Variants in CSDE1 observed in about 807,000 individuals in gnomAD.
CSDE1 encodes the protein cold shock domain-containing protein E1.
Under a neutral mutation model 89.3 loss-of-function variants are expected in CSDE1, and 17 were observed. The ratio of observed to expected loss-of-function variants is 0.19; its 90% CI spans 0.13 to 0.29. The LOEUF (loss-of-function observed/expected upper bound fraction) is 0.29, where lower values mean the gene tolerates loss of function less well. Ranked by LOEUF, CSDE1 falls within the 10% of genes least tolerant of loss-of-function variation. The pLI, the probability that CSDE1 is intolerant of heterozygous loss-of-function variation, is 1.00. For synonymous variants in CSDE1, 322 were observed against 332.8 expected, an observed-to-expected ratio of 0.97 and a Z score of 0.35; for missense variants, 672 against 984.2, an observed-to-expected ratio of 0.68 and a Z score of 4.24.
In CSDE1 at chr1:114,718,036, A is replaced by G; in HGVS notation, c.*133T>C. On this transcript the variant is annotated 3_prime_UTR_variant, in exon 20 of 20. Coordinates refer to ENST00000358528, the MANE Select transcript of CSDE1 (RefSeq NM_001007553.3). ...TAAACATAACACGAGGAAGGTGTTA[A>G]AACTGGTGTAATAGCTCAATAGAAT... is the stretch of plus-strand genomic sequence containing the variant. The G allele has an allele frequency of 1.2e-6, 1 of 835,396 alleles. No individual in the cohort carries two copies. Among genetic ancestry groups the G allele is most frequent in the South Asian group, 1.6e-5 (1 of 64,476 alleles). 51.7% of individuals were successfully genotyped at this position (835,396 alleles called of 1,614,324 possible).
At chr1:114,718,540 T>C in intron 19 of CSDE1, 73 bp downstream of exon 19, 3 of 1,545,478 alleles carry the variant, frequency 1.9e-6, no homozygotes, top group Non-Finnish European at 2.6e-6. Flanking sequence ...TCCTGACCTA[T>C]TGTTTAAATA....
In CSDE1 at chr1:114,739,959, A is replaced by G. The variant is rs1009405975; in HGVS notation, c.1-69T>C. 2.4e-5 allele frequency: 32 copies of G among 1,316,954 alleles called. No individual in the cohort carries two copies. The African/African-American group carries it at 3.7e-4, about 15-fold the overall frequency. The allele number at this position is 1,316,954 out of a possible 1,614,324, so 81.6% of individuals were successfully genotyped here. On this transcript the variant is annotated intron_variant, in intron 2 of 19. Coordinates refer to ENST00000358528, the MANE Select transcript of CSDE1 (RefSeq NM_001007553.3). ...CTCCATAGCATATTAAGTCTGGTTA[A>G]TAAGTCACTAAATCTTCCATATAAA...
At chr1:114,756,721 A>T (rs1235570395) in intron 1 of CSDE1, 1 of 152,208 alleles carries the variant, frequency 6.6e-6, no homozygotes, top group Non-Finnish European at 1.5e-5. Flanking sequence ...CCAACTGTTT[A>T]AAGAGCGCCA....
At chr1:114,732,924 C>A in intron 9 of CSDE1, 108 bp from the exon 10 acceptor site, 2 of 945,332 alleles carry the variant, frequency 2.1e-6, no homozygotes, top group East Asian at 4.9e-5. Flanking sequence ...ACTTAGTTCC[C>A]TGAAGCGAAA....
In CSDE1 at chr1:114,717,047, C is replaced by CG. The variant is rs1380742504; in HGVS notation, c.*1121dup. The CG allele has an allele frequency of 6.5e-6, 1 of 152,738 alleles. No individual in the cohort carries two copies. Among genetic ancestry groups the CG allele is most frequent in the African/African-American group, 2.4e-5 (1 of 41,468 alleles). The allele number at this position is 152,738 out of a possible 1,614,324, so 9.5% of individuals were successfully genotyped here. ...TTTACCCAGAGATCAAAACCTCAAA[C>CG]GACAAGGGGGAAGATAAAACCGCCC... On this transcript the variant is annotated 3_prime_UTR_variant, in exon 20 of 20. Transcript: ENST00000358528.
intron 3 of CSDE1, 65 bp downstream of exon 3, chr1:114,739,627 G>A (rs768819895): frequency 4.4e-5 from 61 of 1,402,012 alleles, no homozygotes; most frequent in Non-Finnish European, 6.1e-5. Flanking sequence ...AAACACTCAT[G>A]AACAAATTGA....
chr1:114,743,779 T>G (rs1210031913), intron 2 of CSDE1, among the ~76,000 whole-genome samples: 3 of 152,212 alleles, frequency 2.0e-5, no homozygotes, highest in Admixed American at 2.0e-4. Context: ...GTCTCATCCC[T>G]AGACACATAC....
intron 6 of CSDE1, among the ~76,000 whole-genome samples, chr1:114,734,825 TTTTCTA>T (rs1660307627): frequency 6.6e-6 from 1 of 152,206 alleles, no homozygotes; most frequent in African/African-American, 2.4e-5. Flanking sequence ...TCTACTCTGT[TTTTCTA>T]TTTCAACAAA....
In CSDE1 at chr1:114,739,834, A is replaced by T; in HGVS notation, c.57T>A (p.Gly19=). The change falls in exon 3 of 20, where the codon GGT becomes GGA. Residue 19 remains glycine, a synonymous_variant. Transcript: ENST00000358528. ...CAGTTTCACGCAGTGCTGCTGAAGTACCATTAGGGTACCCATTATGTCCAT... is the reference window on the plus strand; with the variant it reads ...CAGTTTCACGCAGTGCTGCTGAAGTTCCATTAGGGTACCCATTATGTCCAT... ...HNNGHNGYPN[G]TSAALRETGV... 6.2e-7 allele frequency: 1 copy of T among 1,614,136 alleles called. No homozygotes were observed. The highest frequency in any genetic ancestry group is 1.7e-4 in the Middle Eastern group (1 of 6,058).
chr1:114,723,472 G>A (rs1188354790), intron 16 of CSDE1, among the ~76,000 whole-genome samples: 1 of 152,184 alleles, frequency 6.6e-6, no homozygotes, highest in African/African-American at 2.4e-5. Context: ...ATGTACATAT[G>A]TGTAGTGTAG....
intron 16 of CSDE1, among the ~76,000 whole-genome samples, chr1:114,721,839 G>A (rs1377880943): frequency 6.6e-6 from 1 of 151,164 alleles, no homozygotes; most frequent in Non-Finnish European, 1.5e-5. Context: ...GCCCACCTTG[G>A]CCTCCCGAAG....
Position 114,739,720 on chromosome 1 carries a change from A to T in CSDE1, c.171T>A (p.Asn57Lys). The T allele has an allele frequency of 6.2e-7, 1 of 1,613,892 alleles. No individual in the cohort carries two copies. The highest frequency in any genetic ancestry group is 8.5e-7 in the Non-Finnish European group (1 of 1,179,800). The change falls in exon 3 of 20, where the codon AAT becomes AAA. Residue 57 changes from asparagine to lysine, a missense_variant. By Grantham distance (94) the Asn-to-Lys change is moderately conservative. Around this residue, in one of 8 missense-constraint regions of CSDE1, gnomAD observed 34 missense variants for 73.3 expected, o/e 0.46. Coordinates refer to ENST00000358528, the MANE Select transcript of CSDE1 (RefSeq NM_001007553.3). ...ARLFFHCSQYNGNLQDLKVGD... is the reference protein window; with the variant it reads ...ARLFFHCSQYKGNLQDLKVGD... Reference sequence around the variant, plus strand: ...CTACTTTTAAGTCTTGCAGGTTGCCATTATACTGTGAACAGTGGAAGAAAA... The same window carrying T: ...CTACTTTTAAGTCTTGCAGGTTGCCTTTATACTGTGAACAGTGGAAGAAAA...
At chr1:114,756,298 C>G (rs1246909879) in intron 1 of CSDE1, among the ~76,000 whole-genome samples, 1 of 152,180 alleles carries the variant, frequency 6.6e-6, no homozygotes, top group African/African-American at 2.4e-5. Context: ...CTATTACCTT[C>G]TCTTTTATTT....
intron 2 of CSDE1, among the ~76,000 whole-genome samples, chr1:114,740,253 C>T (rs535634102): frequency 1.4e-3 from 211 of 152,270 alleles, no homozygotes; most frequent in African/African-American, 4.7e-3. Flanking sequence ...TAAGAGACAG[C>T]GACCACAAAC....
At position 114,718,087 on chromosome 1, in the gene CSDE1, G is replaced by A; in HGVS notation, c.*82C>T. 2.1e-6 allele frequency: 3 copies of A among 1,429,214 alleles called. No individual in the cohort carries two copies. The highest frequency in any genetic ancestry group is 3.0e-6 in the Non-Finnish European group (3 of 1,014,528). The allele number at this position is 1,429,214 out of a possible 1,614,324, so 88.5% of individuals were successfully genotyped here. ...AAGTATTCCAGATTTCGGGAGGGAT[G>A]AAGAGGGAGATATTCAGAACCCTTC... On this transcript the variant is annotated 3_prime_UTR_variant, in exon 20 of 20. Coordinates refer to ENST00000358528, the MANE Select transcript of CSDE1 (RefSeq NM_001007553.3).
At chr1:114,726,625 T>TA (rs1266313764) in intron 13 of CSDE1, among the ~76,000 whole-genome samples, 4 of 152,246 alleles carry the variant, frequency 2.6e-5, no homozygotes, top group African/African-American at 9.6e-5. Context: ...TCTAGAGGGC[T>TA]ATCCAAAAAC....
chr1:114,727,437 G>A (rs889901457), intron 12 of CSDE1, among the ~76,000 whole-genome samples: 7 of 152,212 alleles, frequency 4.6e-5, no homozygotes, highest in Admixed American at 3.9e-4. Flanking sequence ...TTCTATAAGG[G>A]CAAGAAGCTT....
rs552011956 is a variant in CSDE1 at position 114,718,056 on chromosome 1, T to A, written c.*113A>T. 7.7e-6 allele frequency: 8 copies of A among 1,036,824 alleles called. No homozygotes were observed. Among genetic ancestry groups the A allele is most frequent in the East Asian group, 2.4e-5 (1 of 41,788 alleles). 64.2% of individuals were successfully genotyped at this position (1,036,824 alleles called of 1,614,324 possible). On this transcript the variant is annotated 3_prime_UTR_variant, in exon 20 of 20. Coordinates refer to ENST00000358528, the MANE Select transcript of CSDE1 (RefSeq NM_001007553.3). ...TGTTAAAACTGGTGTAATAGCTCAA[T>A]AGAATAAGTATTCCAGATTTCGGGA... is the stretch of plus-strand genomic sequence containing the variant.
intron 12 of CSDE1, 33 bp downstream of exon 12, chr1:114,730,225 C>T: frequency 6.2e-7 from 1 of 1,603,738 alleles, no homozygotes; most frequent in Non-Finnish European, 8.5e-7. Flanking sequence ...AAATAAACAG[C>T]TACAAAAATC....
Sources: gnomAD v4.1 joint callset for allele counts (sites outside exome capture counted in the v4.1 genomes callset) on GRCh38, gnomAD v4.1.1 for gene constraint, gnomAD v4.1.1 regional missense constraint, MANE v1.5 for transcripts, NCBI Gene and HGNC (gene_info 2026-07-23, HGNC 2026-07-21) for gene names.